Variants in PBX1 observed in about 807,000 individuals in gnomAD.
The protein encoded by PBX1 is pre-B-cell leukemia transcription factor 1.
PBX1 carries 6 observed loss-of-function variants against 53.4 expected under a neutral mutation model. The ratio of observed to expected loss-of-function variants is 0.11; its 90% confidence interval spans 0.06 to 0.22. PBX1 has a LOEUF of 0.22. Among genes scored for constraint, PBX1 ranks in the 10% least tolerant of loss-of-function variants. The probability of loss-of-function intolerance (pLI) is 1.00; values close to 1 mark genes in which losing one functional copy is unlikely to be tolerated. For missense variants in PBX1, 251 were observed against 551.4 expected (o/e 0.46, Z 5.46); for synonymous variants, 204 against 212.3 (o/e 0.96, Z 0.34).
chr1:164,851,470 T>A lies in PBX1; in HGVS notation c.*4794T>A, dbSNP rs1373715756. 5 of 192,744 alleles carry A rather than the reference T, an allele frequency of 2.6e-5. No individual in the cohort carries two copies. Among genetic ancestry groups the A allele is most frequent in the Non-Finnish European group, 5.4e-5 (5 of 92,356 alleles). 11.9% of individuals were successfully genotyped at this position (192,744 alleles called of 1,614,324 possible). ...CTGGAATCTTTTATTTTTTGTAAAC[T>A]TTTTTTTCTTTTGTTAAAATAAATA... On this transcript the variant is annotated 3_prime_UTR_variant, in exon 9 of 9. Transcript: ENST00000420696.
intron 2 of PBX1, among the ~76,000 whole-genome samples, chr1:164,702,448 T>G (rs192450293): frequency 9.3e-4 from 141 of 152,314 alleles, no homozygotes; most frequent in African/African-American, 3.2e-3. Flanking sequence ...ATTTGGCATT[T>G]ACCCTTCCAC....
chr1:164,654,281 G>T (rs1471226202), intron 2 of PBX1, among the ~76,000 whole-genome samples: 2 of 152,180 alleles, frequency 1.3e-5, no homozygotes, highest in Non-Finnish European at 2.9e-5. Context: ...AAAAAGGTAG[G>T]ATGTGCGTGT....
At chr1:164,629,981 T>C (rs552228125) in intron 2 of PBX1, among the ~76,000 whole-genome samples, 39 of 152,328 alleles carry the variant, frequency 2.6e-4, no homozygotes, top group South Asian at 2.3e-3. Flanking sequence ...CGAATGAGTA[T>C]GCCAAAAATC....
chr1:164,618,155 T>C (rs1010002204), intron 2 of PBX1, among the ~76,000 whole-genome samples: 2 of 152,174 alleles, frequency 1.3e-5, no homozygotes, highest in African/African-American at 4.8e-5. Flanking sequence ...TAAGGTGGCA[T>C]TGTCGTAACT....
intron 2 of PBX1, among the ~76,000 whole-genome samples, chr1:164,594,630 C>T (rs1313786589): frequency 6.6e-6 from 1 of 151,956 alleles, no homozygotes; most frequent in Admixed American, 6.6e-5. Context: ...TTTTTAATTG[C>T]CACATTAAGA....
At chr1:164,754,461 A>T (rs987140271) in intron 2 of PBX1, among the ~76,000 whole-genome samples, 1 of 152,338 alleles carries the variant, frequency 6.6e-6, no homozygotes, top group East Asian at 1.9e-4. Context: ...TTATTAATTG[A>T]ATACTCTCTA....
chr1:164,707,416 T>A (rs951261486), intron 2 of PBX1, among the ~76,000 whole-genome samples: 81 of 106,064 alleles, frequency 7.6e-4, no homozygotes, highest in African/African-American at 3.3e-3. Flanking sequence ...TGTGTGTGTG[T>A]GTGAGAGAGA....
chr1:164,811,533 A>G (rs993714028), intron 5 of PBX1, among the ~76,000 whole-genome samples: 7 of 152,176 alleles, frequency 4.6e-5, no homozygotes, highest in Admixed American at 4.6e-4. Context: ...ACTTCTAAAA[A>G]TTTGCAATTA....
At chr1:164,880,514 G>A (rs747480124) in intron 2 of PBX1, among the ~76,000 whole-genome samples, 3 of 152,198 alleles carry the variant, frequency 2.0e-5, no homozygotes, top group Non-Finnish European at 2.9e-5. Flanking sequence ...TTGGCCAAGC[G>A]TTCTTTCTGC....
chr1:164,799,646 G>C, intron 3 of PBX1, 53 bp from the exon 4 acceptor site: 3 of 1,530,644 alleles, frequency 2.0e-6, no homozygotes, highest in Non-Finnish European at 2.7e-6. Context: ...TAGACTTGAT[G>C]CGTGTTGAGG....
chr1:164,737,998 T>C (rs1665392631), intron 2 of PBX1, among the ~76,000 whole-genome samples: 1 of 152,158 alleles, frequency 6.6e-6, no homozygotes, highest in African/African-American at 2.4e-5. Context: ...AATATAGTTG[T>C]GTCATGCTTC....
intron 2 of PBX1, among the ~76,000 whole-genome samples, chr1:164,702,744 G>A (rs2102052985): frequency 6.6e-6 from 1 of 152,242 alleles, no homozygotes; most frequent in African/African-American, 2.4e-5. Context: ...TTGTCTAAAA[G>A]GGAAATGCCA....
At chr1:164,787,004 ACT>A (rs1234440446) in intron 2 of PBX1, among the ~76,000 whole-genome samples, 1 of 152,124 alleles carries the variant, frequency 6.6e-6, no homozygotes, top group Non-Finnish European at 1.5e-5. Context: ...AAAAGGTATA[ACT>A]CTGATGCTCT....
chr1:164,732,724 CTGTCT>C (rs1054594554), intron 2 of PBX1, among the ~76,000 whole-genome samples: 1 of 152,166 alleles, frequency 6.6e-6, no homozygotes, highest in African/African-American at 2.4e-5. Flanking sequence ...TACCAGCCTC[CTGTCT>C]TATCTGTCAT....
chr1:164,610,137 C>A (rs1031145238), intron 2 of PBX1, among the ~76,000 whole-genome samples: 2 of 152,168 alleles, frequency 1.3e-5, no homozygotes, highest in African/African-American at 4.8e-5. Context: ...GCCTCCTTTG[C>A]CTCATCTGCC....
intron 2 of PBX1, among the ~76,000 whole-genome samples, chr1:164,772,411 AG>A (rs1667419657): frequency 6.6e-6 from 1 of 152,252 alleles, no homozygotes; most frequent in East Asian, 1.9e-4. Flanking sequence ...GATATCACAT[AG>A]GAAAATAAAT....
intron 2 of PBX1, among the ~76,000 whole-genome samples, chr1:164,670,742 G>A (rs984613509): frequency 5.9e-5 from 9 of 152,114 alleles, no homozygotes; most frequent in African/African-American, 2.2e-4. Context: ...AGCAGAGAGA[G>A]GAAAAAGAAA....
intron 2 of PBX1, chr1:164,684,427 G>C (rs1383905512): frequency 1.3e-5 from 2 of 152,132 alleles, no homozygotes; most frequent in East Asian, 3.9e-4. Context: ...ATGCTTTACT[G>C]CTTTCCCTAA....
At chr1:164,816,274 A>G (rs1669876900) in intron 6 of PBX1, 1 of 152,176 alleles carries the variant, frequency 6.6e-6, no homozygotes, top group South Asian at 2.1e-4. Context: ...TTTGGAATTC[A>G]CAAAGGGAAA....
Sources: allele counts gnomAD v4.1 joint callset (sites outside exome capture counted in the v4.1 genomes callset), GRCh38; gene constraint gnomAD v4.1.1; transcripts MANE v1.5; gene names NCBI Gene and HGNC (gene_info 2026-07-23, HGNC 2026-07-21).